Variants in NCEH1 observed in about 807,000 individuals in gnomAD.
The protein encoded by NCEH1 is 2-acetyl MAGE hydrolase.
NCEH1 carries 9 observed loss-of-function variants against 25.4 expected under a neutral mutation model. That is an observed-to-expected ratio of 0.35 (90% confidence interval 0.21 to 0.62). The LOEUF (loss-of-function observed/expected upper bound fraction) is 0.62. Among genes scored for constraint, NCEH1 ranks in the 20% least tolerant of loss-of-function variants. NCEH1 has a pLI of 0.72. For missense variants in NCEH1, 412 were observed against 501.1 expected (o/e 0.82, Z 1.70); for synonymous variants, 200 against 199.8 (o/e 1.00, Z -0.01).
rs1716438393 is a variant in NCEH1, at chr3:172,633,129, G to A, written c.*346C>T. 3 of 252,150 alleles carry A rather than the reference G, an allele frequency of 1.2e-5. No individual in the cohort carries two copies. The highest frequency in any genetic ancestry group is 1.0e-4 in the Admixed American group (2 of 19,646). The allele number at this position is 252,150 out of a possible 1,614,324, so 15.6% of individuals were successfully genotyped here. A position where few individuals can be genotyped will look rare whatever the true frequency, so the allele number is the denominator to read the frequency against. On this transcript the variant is annotated 3_prime_UTR_variant, in exon 5 of 5. Transcript: ENST00000475381. ...GTCACTCTATGATCCAGAGCTGGAA[G>A]AACTGCTTCTAAAAAGAACGTCCTA...
intron 1 of NCEH1, among the ~76,000 whole-genome samples, chr3:172,686,896 T>C (rs1468014898): frequency 6.6e-6 from 1 of 152,150 alleles, no homozygotes; most frequent in Non-Finnish European, 1.5e-5. Context: ...CATTTTTTCT[T>C]GGGGGAGGGA....
chr3:172,640,878 T>G (rs1259448678), intron 3 of NCEH1, among the ~76,000 whole-genome samples: 1 of 152,178 alleles, frequency 6.6e-6, no homozygotes, highest in Non-Finnish European at 1.5e-5. Flanking sequence ...CATAACTCAC[T>G]GCAGCCTCAA....
chr3:172,695,964 AAAAAAG>A (rs1039653768), intron 1 of NCEH1, among the ~76,000 whole-genome samples: 12 of 152,142 alleles, frequency 7.9e-5, no homozygotes, highest in East Asian at 5.8e-4. Flanking sequence ...ATAAATAAAT[AAAAAAG>A]AAAAAGAAAA....
At chr3:172,664,042 T>A (rs1020205042) in intron 1 of NCEH1, among the ~76,000 whole-genome samples, 3 of 152,268 alleles carry the variant, frequency 2.0e-5, no homozygotes, top group African/African-American at 7.2e-5. Flanking sequence ...TGATGCAGTT[T>A]CTTCCTAGCC....
intron 1 of NCEH1, among the ~76,000 whole-genome samples, chr3:172,701,607 G>A (rs1209057362): frequency 2.1e-5 from 3 of 141,458 alleles, no homozygotes; most frequent in South Asian, 2.3e-4. Context: ...GTGCCACCAT[G>A]CCCAGCTAGT....
chr3:172,672,473 G>A (rs1293267664), intron 1 of NCEH1, among the ~76,000 whole-genome samples: 1 of 152,180 alleles, frequency 6.6e-6, no homozygotes, highest in Non-Finnish European at 1.5e-5. Flanking sequence ...TGAGAATCCT[G>A]TGGCCTTTAT....
At chr3:172,692,729 T>A (rs1713140079) in intron 1 of NCEH1, among the ~76,000 whole-genome samples, 1 of 152,204 alleles carries the variant, frequency 6.6e-6, no homozygotes, top group African/African-American at 2.4e-5. Flanking sequence ...TTGATGTTGG[T>A]TGTGTGCTTT....
chr3:172,669,800 G>A (rs1272558474), intron 1 of NCEH1, among the ~76,000 whole-genome samples: 1 of 152,210 alleles, frequency 6.6e-6, no homozygotes, highest in African/African-American at 2.4e-5. Context: ...GCCTCCCAAA[G>A]GGCTGGGATT....
At chr3:172,708,374 A>G (rs1264293486) in intron 1 of NCEH1, among the ~76,000 whole-genome samples, 1 of 152,154 alleles carries the variant, frequency 6.6e-6, no homozygotes, top group Non-Finnish European at 1.5e-5. Flanking sequence ...TATTTTTTTG[A>G]GACAGAGTTT....
At chr3:172,649,050 G>A (rs1717267401) in intron 1 of NCEH1, among the ~76,000 whole-genome samples, 1 of 152,100 alleles carries the variant, frequency 6.6e-6, no homozygotes, top group African/African-American at 2.4e-5. Flanking sequence ...GCAGAAATCA[G>A]GACTATATGA....
At chr3:172,671,508 C>A (rs1440627872) in intron 1 of NCEH1, among the ~76,000 whole-genome samples, 1 of 141,634 alleles carries the variant, frequency 7.1e-6, no homozygotes, top group Non-Finnish European at 1.6e-5. Context: ...CATACACATA[C>A]ACACACACAC....
intron 1 of NCEH1, among the ~76,000 whole-genome samples, chr3:172,666,152 C>G (rs1718197174): frequency 6.6e-6 from 1 of 152,190 alleles, no homozygotes; most frequent in South Asian, 2.1e-4. Flanking sequence ...CTTGAAGGGC[C>G]AGTCTGGCAA....
intron 1 of NCEH1, among the ~76,000 whole-genome samples, chr3:172,684,356 A>C (rs935288523): frequency 6.6e-6 from 1 of 152,234 alleles, no homozygotes; most frequent in Admixed American, 6.5e-5. Flanking sequence ...GAGTTAAGAG[A>C]TTACTAAAAC....
chr3:172,680,166 T>C (rs1712259382), intron 1 of NCEH1, among the ~76,000 whole-genome samples: 1 of 152,148 alleles, frequency 6.6e-6, no homozygotes, highest in South Asian at 2.1e-4. Flanking sequence ...ATTGGCCTAG[T>C]CAATTAAAGG....
At chr3:172,665,086 TC>T (rs1308855897) in intron 1 of NCEH1, among the ~76,000 whole-genome samples, 1 of 152,216 alleles carries the variant, frequency 6.6e-6, no homozygotes, top group Non-Finnish European at 1.5e-5. Context: ...TTTCTCCCCA[TC>T]TTTGTGATTT....
intron 1 of NCEH1, among the ~76,000 whole-genome samples, chr3:172,665,384 G>A (rs566676578): frequency 9.2e-5 from 14 of 152,160 alleles, no homozygotes; most frequent in Non-Finnish European, 1.8e-4. Context: ...GGCTGTATGA[G>A]GTGTCAGTTG....
chr3:172,632,127 T>C lies in NCEH1; in HGVS notation c.*1348A>G, dbSNP rs1716385367. On this transcript the variant is annotated 3_prime_UTR_variant, in exon 5 of 5. Transcript: ENST00000475381. ...TTCCTCTGACCCTAAAAAGCGGAGA[T>C]GAGCAGTGTGTGCCTTGCCTAAGCT... The C allele has an allele frequency of 6.6e-6, 1 of 152,578 alleles. No individual in the cohort carries two copies. Among genetic ancestry groups the C allele is most frequent in the African/African-American group, 2.4e-5 (1 of 41,592 alleles). 9.5% of individuals were successfully genotyped at this position (152,578 alleles called of 1,614,324 possible). A position where few individuals can be genotyped will look rare whatever the true frequency, so the allele number is the denominator to read the frequency against.
intron 1 of NCEH1, among the ~76,000 whole-genome samples, chr3:172,656,648 C>G (rs1717709619): frequency 6.6e-6 from 1 of 152,126 alleles, no homozygotes; most frequent in Non-Finnish European, 1.5e-5. Flanking sequence ...CGCCTGTAAT[C>G]CCAGCTACTC....
Position 172,701,947 on chromosome 3 carries a change from G to T in NCEH1, c.138+8900C>A, listed in dbSNP as rs533604890. On this transcript the variant is annotated intron_variant, in intron 1 of 4. Transcript: ENST00000475381. ...TCCCTCTCTGACCTTTGAACTTTAA[G>T]CTCCAGCCAGTCTAAACCACTTGTA... is the stretch of plus-strand genomic sequence containing the variant. 2.6e-5 allele frequency among the ~76,000 whole-genome samples: 4 copies of T among 152,196 alleles called. No homozygotes were observed. In the East Asian group the frequency reaches 5.8e-4, roughly 22 times the overall value.
Sources: gnomAD v4.1 joint callset for allele counts (sites outside exome capture counted in the v4.1 genomes callset) on GRCh38, gnomAD v4.1.1 for gene constraint, MANE v1.5 for transcripts, NCBI Gene and HGNC (gene_info 2026-07-23, HGNC 2026-07-21) for gene names.